The following PDE4D variants were observed in gnomAD, a reference collection of about 807,000 sequenced individuals.
PDE4D encodes the protein phosphodiesterase 4D.
In PDE4D, 24 loss-of-function variants were observed where a neutral mutation model predicts 87.4. The observed-to-expected ratio is 0.27, with a 90% CI of 0.20 to 0.39. PDE4D has a LOEUF of 0.39. Ranked by LOEUF, PDE4D falls within the 10% of genes least tolerant of loss-of-function variation. The probability of loss-of-function intolerance (pLI) is 1.00; values close to 1 mark genes in which losing one functional copy is unlikely to be tolerated. For missense variants in PDE4D, 714 were observed against 1,041.0 expected (o/e 0.69, Z 4.32); for synonymous variants, 384 against 383.2 (o/e 1.00, Z -0.02).
chr5:60,148,937 T>C (rs1215623423), intron 2 of PDE4D, among the ~76,000 whole-genome samples: 3 of 152,198 alleles, frequency 2.0e-5, no homozygotes, highest in African/African-American at 7.2e-5. Flanking sequence ...GGGGTGCTGA[T>C]TTTTTCAGGG....
At chr5:59,319,211 C>A (rs940346228) in intron 1 of PDE4D, among the ~76,000 whole-genome samples, 8 of 151,282 alleles carry the variant, frequency 5.3e-5, no homozygotes, top group Non-Finnish European at 1.2e-4. Context: ...CAAGACCTTT[C>A]TCCTTCCCTA....
chr5:59,515,095 C>T (rs1810931590), intron 1 of PDE4D, among the ~76,000 whole-genome samples: 1 of 152,160 alleles, frequency 6.6e-6, no homozygotes, highest in Admixed American at 6.5e-5. Context: ...GGAAAAACCA[C>T]AGAAAATTAT....
chr5:59,366,394 A>C (rs886281650), intron 1 of PDE4D, among the ~76,000 whole-genome samples: 2 of 152,344 alleles, frequency 1.3e-5, no homozygotes, highest in Non-Finnish European at 2.9e-5. Context: ...ATAAAAAGTA[A>C]ATCTAAAGAT....
chr5:58,996,078 A>G (rs1450962853), intron 6 of PDE4D, among the ~76,000 whole-genome samples: 1 of 152,166 alleles, frequency 6.6e-6, no homozygotes, highest in Non-Finnish European at 1.5e-5. Flanking sequence ...CATAAGTGGG[A>G]GTTGAACAAT....
intron 1 of PDE4D, among the ~76,000 whole-genome samples, chr5:60,275,455 A>G (rs1250166266): frequency 6.6e-6 from 1 of 152,166 alleles, no homozygotes; most frequent in Non-Finnish European, 1.5e-5. Flanking sequence ...TTTGGTTATG[A>G]TTGGAAAAAA....
intron 3 of PDE4D, among the ~76,000 whole-genome samples, chr5:59,984,136 G>A (rs1253202985): frequency 6.6e-6 from 1 of 152,162 alleles, no homozygotes; most frequent in African/African-American, 2.4e-5. Flanking sequence ...ATAACCTTTA[G>A]TGATCAGTTG....
intron 1 of PDE4D, among the ~76,000 whole-genome samples, chr5:59,315,927 T>C (rs114103898): frequency 1.0e-3 from 155 of 152,262 alleles, no homozygotes; most frequent in African/African-American, 3.6e-3. Context: ...CAGGAAATAG[T>C]AACTTTATAA....
intron 1 of PDE4D, among the ~76,000 whole-genome samples, chr5:59,514,848 C>A (rs1303846415): frequency 6.6e-6 from 1 of 152,132 alleles, no homozygotes; most frequent in African/African-American, 2.4e-5. Context: ...AGAGGGTATA[C>A]ACCTAATTCA....
chr5:59,213,718 T>C (rs946522555), intron 2 of PDE4D, among the ~76,000 whole-genome samples: 1 of 152,108 alleles, frequency 6.6e-6, no homozygotes, highest in Non-Finnish European at 1.5e-5. Flanking sequence ...TGCTATTACC[T>C]GAATACAACG....
chr5:59,741,177 T>G (rs564119051), intron 1 of PDE4D, among the ~76,000 whole-genome samples: 1 of 152,270 alleles, frequency 6.6e-6, no homozygotes, highest in African/African-American at 2.4e-5. Context: ...ATCAAACAAT[T>G]TGTGTCTATG....
chr5:59,897,201 C>T (rs1003139457), upstream of PDE4D, among the ~76,000 whole-genome samples: 7 of 152,144 alleles, frequency 4.6e-5, no homozygotes, highest in African/African-American at 1.7e-4. Context: ...TATGTCATTA[C>T]CACCCCCACC....
At chr5:60,446,069 TAAC>T in intron 1 of PDE4D, among the ~76,000 whole-genome samples, 1 of 152,220 alleles carries the variant, frequency 6.6e-6, no homozygotes, top group African/African-American at 2.4e-5. Flanking sequence ...ACTAGTGACT[TAAC>T]AAACACAGAA....
Position 59,374,197 on chromosome 5 carries a change from T to A in PDE4D, c.456-158229A>T, listed in dbSNP as rs542283513. Reference sequence around the variant, plus strand: ...TAACAATATTAACCTTAAATGTAAATGGACTAAATGCCTCAATTAAAAGAC... The same window carrying A: ...TAACAATATTAACCTTAAATGTAAAAGGACTAAATGCCTCAATTAAAAGAC... On this transcript the variant is annotated intron_variant, in intron 1 of 14. Coordinates refer to ENST00000340635, the MANE Select transcript of PDE4D (RefSeq NM_001104631.2). Among the ~76,000 whole-genome samples, 3 of 152,224 alleles carry A rather than the reference T, an allele frequency of 2.0e-5. No homozygotes were observed. In the South Asian group the frequency reaches 6.2e-4, roughly 32 times the overall value.
intron 1 of PDE4D, among the ~76,000 whole-genome samples, chr5:59,466,092 C>T (rs1261784844): frequency 6.6e-6 from 1 of 152,074 alleles, no homozygotes; most frequent in Non-Finnish European, 1.5e-5. Context: ...TGAATGCTGG[C>T]TCTAGAAATT....
At chr5:59,928,922 C>T (rs748337212) in intron 3 of PDE4D, among the ~76,000 whole-genome samples, 1 of 149,808 alleles carries the variant, frequency 6.7e-6, no homozygotes, top group Non-Finnish European at 1.5e-5. Context: ...TATATATATC[C>T]CTACTCATTT....
intron 1 of PDE4D, among the ~76,000 whole-genome samples, chr5:59,777,836 C>T (rs189728677): frequency 7.9e-5 from 12 of 151,728 alleles, no homozygotes; most frequent in African/African-American, 2.4e-4. Flanking sequence ...TTTTCAAAAG[C>T]GCATATACAC....
intron 5 of PDE4D, among the ~76,000 whole-genome samples, chr5:59,113,574 T>A (rs1291548351): frequency 6.6e-6 from 1 of 152,212 alleles, no homozygotes; most frequent in Non-Finnish European, 1.5e-5. Context: ...AAAACTTAGC[T>A]AACTAACTGC....
At chr5:59,789,365 C>T (rs528009976) in intron 1 of PDE4D, among the ~76,000 whole-genome samples, 8 of 152,298 alleles carry the variant, frequency 5.3e-5, no homozygotes, top group African/African-American at 1.7e-4. Flanking sequence ...AGGCAATATG[C>T]GTTATGTCAT....
rs576628574 is a variant in PDE4D, at chr5:59,637,720, G to A, written c.455+255448C>T. Among the ~76,000 whole-genome samples, 32 of 152,128 alleles carry A rather than the reference G, an allele frequency of 2.1e-4. 1 individual carries two copies. The highest frequency in any genetic ancestry group is 1.0e-4 in the Non-Finnish European group (7 of 68,042). ...GAACAATGAGAACATATGGGCAAAGGGAGGGGAACATCACACACTGGGGCC... is the reference window on the plus strand; with the variant it reads ...GAACAATGAGAACATATGGGCAAAGAGAGGGGAACATCACACACTGGGGCC... On this transcript the variant is annotated intron_variant, in intron 1 of 14. Transcript: ENST00000340635.
Sources: allele counts gnomAD v4.1 joint callset (sites outside exome capture counted in the v4.1 genomes callset), GRCh38; gene constraint gnomAD v4.1.1; transcripts MANE v1.5; gene names NCBI Gene and HGNC (gene_info 2026-07-23, HGNC 2026-07-21).